TBC1D32: variants seen among roughly 807,000 people sequenced by gnomAD.
TBC1D32 encodes TBC1 domain family member 32, also known as protein broad-minded.
In TBC1D32, 151 loss-of-function variants were observed where a neutral mutation model predicts 170.3. The observed-to-expected ratio is 0.89, with a 90% CI of 0.78 to 1.01. The LOEUF is 1.01. Among genes scored for constraint, TBC1D32 ranks in the 50% least tolerant of loss-of-function variants. TBC1D32 has a pLI of 0.00. For synonymous variants in TBC1D32, 498 were observed against 488.0 expected (o/e 1.02, Z -0.27); for missense variants, 1,464 against 1,457.1 (o/e 1.00, Z -0.08).
At chr6:121,109,016 GAA>G in intron 29 of TBC1D32, among the ~76,000 whole-genome samples, 1 of 152,102 alleles carries the variant, frequency 6.6e-6, no homozygotes, top group African/African-American at 2.4e-5. Flanking sequence ...AAAAAAATGG[GAA>G]AACTGAATCG....
At chr6:121,317,841 A>C (rs1399597363) in intron 2 of TBC1D32, among the ~76,000 whole-genome samples, 169 bp from the exon 3 acceptor site, 1 of 152,134 alleles carries the variant, frequency 6.6e-6, no homozygotes, top group African/African-American at 2.4e-5. Flanking sequence ...GGTAGAACAG[A>C]ATTCACAAAA....
At position 121,126,387 on chromosome 6, in the gene TBC1D32, C is replaced by T. The variant is rs546076493; in HGVS notation, c.2974G>A (p.Glu992Lys). ...AATGTTTAAAATGTACCTGTATACT[C>T]CACTGAAGGGAAGTAGCATTCAGAT... is the stretch of plus-strand genomic sequence containing the variant. The part of the protein sequence containing the change: ...SPSECYFPSV[E>K]YTATDANVKN... The change falls in exon 26 of 32, where the codon GAG (glutamate) becomes AAG (lysine). Residue 992 changes from glutamate (E) to lysine (K), a missense_variant. Around this residue, in one of 3 missense-constraint regions of TBC1D32, gnomAD observed 1,363 missense variants for 1,338.1 expected, o/e 1.02. Coordinates refer to ENST00000398212, the MANE Select transcript of TBC1D32 (RefSeq NM_152730.6). 4.3e-6 allele frequency: 7 copies of T among 1,611,332 alleles called. No homozygotes were observed. The highest frequency in any genetic ancestry group is 5.9e-6 in the Non-Finnish European group (7 of 1,178,586).
chr6:121,229,838 G>A (rs1323361829), intron 20 of TBC1D32, among the ~76,000 whole-genome samples: 2 of 152,026 alleles, frequency 1.3e-5, no homozygotes, highest in African/African-American at 4.8e-5. Flanking sequence ...CCAAAGGAAG[G>A]ACCTGGTGGG....
chr6:121,313,106 GTGT>G (rs1808449465), intron 3 of TBC1D32, among the ~76,000 whole-genome samples: 1 of 596 alleles, frequency 1.7e-3, no homozygotes. Context: ...AGCTAAGGTG[GTGT>G]GTGTGTGTGT....
At chr6:121,097,363 C>T (rs140077209) in intron 30 of TBC1D32, among the ~76,000 whole-genome samples, 2,183 of 151,978 alleles carry the variant, frequency 0.014, 67 homozygotes, top group African/African-American at 0.05. Flanking sequence ...AAAAACAACC[C>T]CATCAAAAAG....
At chr6:121,179,350 A>G (rs1359432401) in intron 22 of TBC1D32, among the ~76,000 whole-genome samples, 1 of 151,504 alleles carries the variant, frequency 6.6e-6, no homozygotes, top group Non-Finnish European at 1.5e-5. Context: ...GCCTGTAAAA[A>G]AAAAAGTACC....
chr6:121,292,396 A>C (rs938372298), intron 11 of TBC1D32, among the ~76,000 whole-genome samples: 1 of 152,214 alleles, frequency 6.6e-6, no homozygotes, highest in African/African-American at 2.4e-5. Flanking sequence ...CATCTTAAAA[A>C]GCAGCCTCAG....
At chr6:121,217,401 T>A (rs905984472) in intron 21 of TBC1D32, among the ~76,000 whole-genome samples, 1 of 152,218 alleles carries the variant, frequency 6.6e-6, no homozygotes, top group Non-Finnish European at 1.5e-5. Flanking sequence ...AGACATGGAA[T>A]CAACCTAAAT....
intron 22 of TBC1D32, among the ~76,000 whole-genome samples, chr6:121,174,546 G>A (rs950190337): frequency 2.0e-5 from 3 of 152,002 alleles, no homozygotes; most frequent in Non-Finnish European, 4.4e-5. Context: ...GGAAGGAGGG[G>A]AAATCAAATT....
intron 15 of TBC1D32, among the ~76,000 whole-genome samples, chr6:121,268,082 T>A (rs187671345): frequency 6.6e-6 from 1 of 151,762 alleles, no homozygotes; most frequent in African/African-American, 2.4e-5. Context: ...AGAAAGAATA[T>A]CCACACCAAA....
chr6:121,242,209 T>TTTTTGCA lies in TBC1D32; in HGVS notation c.2142_2148dup (p.Lys717CysfsTer10). On this transcript the variant is annotated frameshift_variant, in exon 18 of 32. Coordinates refer to ENST00000398212, the MANE Select transcript of TBC1D32 (RefSeq NM_152730.6). LOFTEE classifies it high-confidence loss of function. ...CAGATGGTAATTCATACCTGTAATT[T>TTTTTGCA]TTTTGCATATCGATTGAATATAAAT... The TTTTTGCA allele has an allele frequency of 1.2e-6, 2 of 1,611,262 alleles. No individual in the cohort carries two copies. The highest frequency in any genetic ancestry group is 1.7e-6 in the Non-Finnish European group (2 of 1,179,056).
intron 30 of TBC1D32, among the ~76,000 whole-genome samples, chr6:121,092,613 A>T (rs1033883639): frequency 1.3e-5 from 2 of 152,006 alleles, no homozygotes; most frequent in Admixed American, 6.6e-5. Flanking sequence ...TTCTGGAAAA[A>T]TCCAAGATCA....
intron 5 of TBC1D32, among the ~76,000 whole-genome samples, chr6:121,305,465 A>C (rs9375022): frequency 1.3e-5 from 2 of 151,706 alleles, no homozygotes. Flanking sequence ...TATCATGATA[A>C]GATTAATCCT....
intron 30 of TBC1D32, among the ~76,000 whole-genome samples, chr6:121,098,890 C>T (rs545586176): frequency 6.6e-6 from 1 of 151,966 alleles, no homozygotes; most frequent in East Asian, 1.9e-4. Context: ...CAAGGCGCAA[C>T]ATCCAAAACA....
At chr6:121,292,007 A>G (rs772054645) in intron 12 of TBC1D32, 46 bp downstream of exon 12, 4 of 1,504,190 alleles carry the variant, frequency 2.7e-6, no homozygotes, top group Non-Finnish European at 3.6e-6. Flanking sequence ...ACCATATATA[A>G]ATCTTAGCAT....
At chr6:121,310,662 C>G (rs117094415) in intron 4 of TBC1D32, 117 bp downstream of exon 4, 6 of 696,252 alleles carry the variant, frequency 8.6e-6, no homozygotes, top group African/African-American at 1.8e-5. Context: ...TCCAGGATTG[C>G]CCATAATCAT....
intron 12 of TBC1D32, among the ~76,000 whole-genome samples, chr6:121,288,849 A>G (rs1283954479): frequency 1.3e-5 from 2 of 152,188 alleles, no homozygotes; most frequent in Non-Finnish European, 2.9e-5. Flanking sequence ...CTGGTTCAAC[A>G]TACACAAATC....
intron 15 of TBC1D32, among the ~76,000 whole-genome samples, chr6:121,271,782 T>C (rs1801471476): frequency 2.0e-5 from 3 of 151,978 alleles, no homozygotes; most frequent in Admixed American, 1.3e-4. Context: ...TCATATGGAA[T>C]CAAAAAAGAG....
chr6:121,267,406 GAC>G (rs968555478), intron 15 of TBC1D32, among the ~76,000 whole-genome samples: 1 of 152,102 alleles, frequency 6.6e-6, no homozygotes, highest in Non-Finnish European at 1.5e-5. Flanking sequence ...GGAAAATTGG[GAC>G]ACTCCCACCC....
Sources: allele counts gnomAD v4.1 joint callset (sites outside exome capture counted in the v4.1 genomes callset), GRCh38; gene constraint gnomAD v4.1.1; regional missense constraint gnomAD v4.1.1; transcripts MANE v1.5; gene names NCBI Gene and HGNC (gene_info 2026-07-23, HGNC 2026-07-21).